The following SPOCK3 variants were observed in gnomAD, a reference collection of about 807,000 sequenced individuals.
SPOCK3 encodes the protein testican-3.
Under a neutral mutation model 56.6 loss-of-function variants are expected in SPOCK3, and 30 were observed. That is an observed-to-expected ratio of 0.53 (90% CI 0.40 to 0.72). The LOEUF is 0.72. Ranked by LOEUF, SPOCK3 falls within the 30% of genes least tolerant of loss-of-function variation. The probability of loss-of-function intolerance (pLI) is 0.00; values close to 1 mark genes in which losing one functional copy is unlikely to be tolerated. For synonymous variants in SPOCK3, 196 were observed against 183.3 expected (o/e 1.07, Z -0.56); for missense variants, 527 against 530.0 (o/e 0.99, Z 0.06).
chr4:166,966,427 C>T (rs775835393), intron 4 of SPOCK3, among the ~76,000 whole-genome samples: 1 of 152,106 alleles, frequency 6.6e-6, no homozygotes, highest in Non-Finnish European at 1.5e-5. Context: ...CATACAAGTG[C>T]TTTCCCTTCA....
intron 2 of SPOCK3, among the ~76,000 whole-genome samples, chr4:167,210,210 T>C (rs1734738891): frequency 6.6e-6 from 1 of 152,166 alleles, no homozygotes; most frequent in Non-Finnish European, 1.5e-5. Context: ...TATACCTCTA[T>C]AACTTTGCAT....
intron 2 of SPOCK3, among the ~76,000 whole-genome samples, chr4:167,220,392 T>TG (rs1438266319): frequency 6.6e-6 from 1 of 150,438 alleles, no homozygotes; most frequent in Non-Finnish European, 1.5e-5. Context: ...TTTTTTTTTT[T>TG]TTTTGAGACA....
Position 166,792,198 on chromosome 4 carries a change from T to C in SPOCK3, c.681A>G (p.Thr227=). The change falls in exon 7 of 11, where the codon ACA becomes ACG. Residue 227 remains threonine (T), a synonymous_variant. Coordinates refer to ENST00000357545, the MANE Select transcript of SPOCK3 (RefSeq NM_001040159.2). ...TTCTCTCAGGCCTCAGCAATGTTTTTGTCTTCTTGTTTTGACTTCCACTTT... is the reference window on the plus strand; with the variant it reads ...TTCTCTCAGGCCTCAGCAATGTTTTCGTCTTCTTGTTTTGACTTCCACTTT... ...LHESGSQNKK[T]KTLLRPERSR... 6.2e-7 allele frequency: 1 copy of C among 1,613,966 alleles called. No homozygotes were observed. The highest frequency in any genetic ancestry group is 1.7e-5 in the Admixed American group (1 of 60,020).
chr4:166,955,609 AG>A lies in SPOCK3; in HGVS notation c.351-42867del, dbSNP rs1561053420. On this transcript the variant is annotated intron_variant, in intron 4 of 10. Coordinates refer to ENST00000357545, the MANE Select transcript of SPOCK3 (RefSeq NM_001040159.2). ...ATATTAAATTTAATATAATCAAATT[AG>A]ATTAAATTTAATATAATTTAATTAT... is the stretch of plus-strand genomic sequence containing the variant. Among the ~76,000 whole-genome samples, 3 of 145,808 alleles carry A rather than the reference AG, an allele frequency of 2.1e-5. No individual in the cohort carries two copies. The East Asian group carries it at 5.9e-4, about 29-fold the overall frequency.
chr4:166,870,872 AC>A (rs1732393402), intron 6 of SPOCK3, among the ~76,000 whole-genome samples: 1 of 152,034 alleles, frequency 6.6e-6, no homozygotes, highest in Admixed American at 6.6e-5. Flanking sequence ...TGGGGATGGT[AC>A]CCCCATGCTC....
intron 2 of SPOCK3, among the ~76,000 whole-genome samples, chr4:167,110,281 A>G (rs1760789174): frequency 6.6e-6 from 1 of 151,898 alleles, no homozygotes; most frequent in South Asian, 2.1e-4. Context: ...CTCCTCTCCC[A>G]TCTTTCCTCA....
At chr4:166,995,488 A>G (rs1748267248) in intron 4 of SPOCK3, among the ~76,000 whole-genome samples, 1 of 152,066 alleles carries the variant, frequency 6.6e-6, no homozygotes, top group Non-Finnish European at 1.5e-5. Flanking sequence ...TATACATAAA[A>G]TTGATAATTA....
At chr4:167,176,299 A>G (rs1159090603) in intron 2 of SPOCK3, among the ~76,000 whole-genome samples, 1 of 152,180 alleles carries the variant, frequency 6.6e-6, no homozygotes, top group African/African-American at 2.4e-5. Context: ...GGATCAGGGC[A>G]TGACCATCTT....
At chr4:167,059,730 T>C (rs986477783) in intron 3 of SPOCK3, among the ~76,000 whole-genome samples, 1 of 152,116 alleles carries the variant, frequency 6.6e-6, no homozygotes, top group Non-Finnish European at 1.5e-5. Context: ...CTATTCACAA[T>C]ATGAAAGACT....
chr4:167,172,933 G>A (rs1730637428), intron 2 of SPOCK3, among the ~76,000 whole-genome samples: 1 of 152,022 alleles, frequency 6.6e-6, no homozygotes, highest in African/African-American at 2.4e-5. Context: ...TAAAATCTTA[G>A]AAAATTGATC....
intron 3 of SPOCK3, among the ~76,000 whole-genome samples, chr4:167,014,068 G>C (rs1407788980): frequency 1.3e-5 from 2 of 152,092 alleles, no homozygotes; most frequent in Non-Finnish European, 2.9e-5. Flanking sequence ...TTGACTTTTG[G>C]TTGATTAGCT....
At chr4:166,887,436 T>C (rs1734316149) in intron 6 of SPOCK3, among the ~76,000 whole-genome samples, 1 of 152,164 alleles carries the variant, frequency 6.6e-6, no homozygotes, top group East Asian at 1.9e-4. Context: ...TGAAGTGATT[T>C]CCAAAGATAA....
Position 166,937,128 on chromosome 4 carries a change from C to T in SPOCK3, c.351-24385G>A, listed in dbSNP as rs903420368. ...TTACAACCCAAGTATTTGTCCTGGT[C>T]ACAACAAAAGGTAGATTTTTGGTAG... On this transcript the variant is annotated intron_variant, in intron 4 of 10. Coordinates refer to ENST00000357545, the MANE Select transcript of SPOCK3 (RefSeq NM_001040159.2). 3.3e-5 allele frequency among the ~76,000 whole-genome samples: 5 copies of T among 151,964 alleles called. No homozygotes were observed. The East Asian group carries it at 5.8e-4, about 18-fold the overall frequency.
intron 6 of SPOCK3, among the ~76,000 whole-genome samples, chr4:166,797,295 G>T (rs1215702974): frequency 1.5e-4 from 13 of 87,644 alleles, no homozygotes; most frequent in East Asian, 3.8e-4. Context: ...GGAGTGCAAT[G>T]TTTCTAAGTG....
chr4:167,147,901 A>G (rs1197119205), intron 2 of SPOCK3, among the ~76,000 whole-genome samples: 1 of 152,074 alleles, frequency 6.6e-6, no homozygotes, highest in African/African-American at 2.4e-5. Flanking sequence ...TGGCACGTGT[A>G]TACCTATGAA....
At chr4:167,059,664 A>G (rs1755358092) in intron 3 of SPOCK3, among the ~76,000 whole-genome samples, 1 of 152,160 alleles carries the variant, frequency 6.6e-6, no homozygotes, top group African/African-American at 2.4e-5. Flanking sequence ...ATATACCCAA[A>G]GGACTATAAA....
Position 166,848,010 on chromosome 4 carries a change from C to CAATCAAGT in SPOCK3, c.589+41112_589+41119dup, listed in dbSNP as rs1748281352. On this transcript the variant is annotated intron_variant, in intron 6 of 10. Coordinates refer to ENST00000357545, the MANE Select transcript of SPOCK3 (RefSeq NM_001040159.2). The stretch of plus-strand genomic sequence containing the variant: ...TGGCTTGTAACCCAAAATCAAATCA[C>CAATCAAGT]AATCAAGTTTCCTACAAATTACACA... 2.0e-5 allele frequency among the ~76,000 whole-genome samples: 3 copies of CAATCAAGT among 152,072 alleles called. No individual in the cohort carries two copies. In the South Asian group the frequency reaches 6.2e-4, roughly 31 times the overall value.
chr4:166,764,254 A>T (rs1436746729), intron 7 of SPOCK3, among the ~76,000 whole-genome samples: 1 of 152,028 alleles, frequency 6.6e-6, no homozygotes, highest in Non-Finnish European at 1.5e-5. Flanking sequence ...GGTTTGTTAC[A>T]TATGTATACA....
rs558487442 is a variant in SPOCK3, at chr4:167,053,929, G to A, written c.235+8563C>T. On this transcript the variant is annotated intron_variant, in intron 3 of 10. Transcript: ENST00000357545. Reference sequence around the variant, plus strand: ...ACACATCAAAAAATGAAACGGGTTCGTTCTTATATCTCTGGATCTCTGTAT... The same window carrying A: ...ACACATCAAAAAATGAAACGGGTTCATTCTTATATCTCTGGATCTCTGTAT... Among the ~76,000 whole-genome samples, 11 of 152,054 alleles carry A rather than the reference G, an allele frequency of 7.2e-5. 1 individual carries two copies. The South Asian group carries it at 8.3e-4, about 12-fold the overall frequency.
Sources: allele counts gnomAD v4.1 joint callset (sites outside exome capture counted in the v4.1 genomes callset), GRCh38; gene constraint gnomAD v4.1.1; transcripts MANE v1.5; gene names NCBI Gene and HGNC (gene_info 2026-07-23, HGNC 2026-07-21).